Variants in ADGB observed in about 807,000 individuals in gnomAD.
ADGB encodes calpain-7-like protein.
Under a neutral mutation model 210.5 loss-of-function variants are expected in ADGB, and 172 were observed. The ratio of observed to expected loss-of-function variants is 0.82; its 90% CI spans 0.72 to 0.93. The LOEUF (loss-of-function observed/expected upper bound fraction) is 0.93, where lower values mean the gene tolerates loss of function less well. Ranked by LOEUF, ADGB falls within the 40% of genes least tolerant of loss-of-function variation. The probability of loss-of-function intolerance (pLI) is 0.00; values close to 1 mark genes in which losing one functional copy is unlikely to be tolerated. For synonymous variants in ADGB, 658 were observed against 662.7 expected (o/e 0.99, Z 0.11); for missense variants, 2,025 against 1,964.8 (o/e 1.03, Z -0.58).
chr6:146,798,072 A>G (rs1778072531), intron 33 of ADGB, among the ~76,000 whole-genome samples: 1 of 152,180 alleles, frequency 6.6e-6, no homozygotes, highest in South Asian at 2.1e-4. Context: ...GAAAATTCAT[A>G]GAAATTAAGG....
At chr6:146,605,292 G>A (rs1034177525) in intron 1 of ADGB, among the ~76,000 whole-genome samples, 52 of 152,278 alleles carry the variant, frequency 3.4e-4, no homozygotes, top group African/African-American at 1.2e-3. Flanking sequence ...TATTAAAAGC[G>A]ATGTGAGTGT....
At chr6:146,727,011 C>T (rs971356584) in intron 19 of ADGB, among the ~76,000 whole-genome samples, 2 of 151,960 alleles carry the variant, frequency 1.3e-5, no homozygotes, top group African/African-American at 4.8e-5. Flanking sequence ...CTCTTCTGTT[C>T]TGACGGGGTC....
At chr6:146,672,180 A>AG (rs1295896166) in intron 7 of ADGB, 40 bp from the exon 8 acceptor site, 2 of 1,455,878 alleles carry the variant, frequency 1.4e-6, no homozygotes, top group East Asian at 2.5e-5. Flanking sequence ...GAAAAAAAAA[A>AG]ACATCGTTTG....
intron 26 of ADGB, 71 bp downstream of exon 26, chr6:146,746,180 C>A: frequency 8.7e-7 from 1 of 1,145,250 alleles, no homozygotes; most frequent in Non-Finnish European, 1.2e-6. Context: ...AAAATAAATT[C>A]TGCAGTAAAA....
chr6:146,713,808 T>G (rs978410232), intron 13 of ADGB, among the ~76,000 whole-genome samples: 7 of 152,060 alleles, frequency 4.6e-5, no homozygotes, highest in Non-Finnish European at 7.4e-5. Flanking sequence ...TGGAGTCATA[T>G]CTAAGAAATA....
chr6:146,680,578 G>C (rs1776144168), intron 9 of ADGB, among the ~76,000 whole-genome samples: 1 of 152,098 alleles, frequency 6.6e-6, no homozygotes, highest in African/African-American at 2.4e-5. Flanking sequence ...GAAACCTGGA[G>C]ATCTCCCTCA....
At chr6:146,803,719 A>T in intron 35 of ADGB, 1 of 1,013,324 alleles carries the variant, frequency 9.9e-7, no homozygotes, top group Non-Finnish European at 1.5e-6. Flanking sequence ...TAATCTCTTA[A>T]GTACCGGCGC....
intron 1 of ADGB, among the ~76,000 whole-genome samples, chr6:146,630,456 C>A (rs1338964045): frequency 6.6e-6 from 1 of 151,854 alleles, no homozygotes; most frequent in East Asian, 1.9e-4. Flanking sequence ...GTTGGCACTC[C>A]CTGCTACTTG....
At chr6:146,700,525 T>C (rs1304892931) in intron 12 of ADGB, among the ~76,000 whole-genome samples, 2 of 152,152 alleles carry the variant, frequency 1.3e-5, no homozygotes, top group Non-Finnish European at 2.9e-5. Flanking sequence ...GACTGTATGC[T>C]CGGGTAGCTG....
intron 14 of ADGB, 54 bp from the exon 15 acceptor site, chr6:146,716,829 T>C: frequency 1.4e-6 from 2 of 1,428,454 alleles, no homozygotes; most frequent in Non-Finnish European, 1.9e-6. Context: ...TTTACATATT[T>C]CAATAACTTG....
intron 11 of ADGB, among the ~76,000 whole-genome samples, chr6:146,691,500 ATTTTTTTT>A (rs71031007): frequency 2.2e-4 from 3 of 13,640 alleles, no homozygotes; most frequent in African/African-American, 6.7e-4. Flanking sequence ...ATATATATAT[ATTTTTTTT>A]TTTTTTTTTT....
At chr6:146,635,303 T>C in intron 1 of ADGB, 72 bp from the exon 2 acceptor site, 1 of 1,267,526 alleles carries the variant, frequency 7.9e-7, no homozygotes, top group African/African-American at 1.5e-5. Flanking sequence ...ATTTATGTTA[T>C]GCAGTTAATC....
At chr6:146,610,290 G>C (rs572382207) in intron 1 of ADGB, among the ~76,000 whole-genome samples, 1 of 152,124 alleles carries the variant, frequency 6.6e-6, no homozygotes, top group Non-Finnish European at 1.5e-5. Context: ...ACTTTGTCCT[G>C]AATCTCCGCA....
chr6:146,814,332 AT>A (rs765381146), intron 35 of ADGB, among the ~76,000 whole-genome samples: 8 of 152,208 alleles, frequency 5.3e-5, no homozygotes, highest in Non-Finnish European at 1.0e-4. Context: ...TAAGCAATTA[AT>A]TTGGCCACTT....
chr6:146,675,432 G>A (rs955800612), intron 8 of ADGB, among the ~76,000 whole-genome samples: 3 of 151,752 alleles, frequency 2.0e-5, no homozygotes, highest in Admixed American at 6.6e-5. Flanking sequence ...CTGAGACCTC[G>A]CCACTGCACT....
chr6:146,790,581 T>C (rs1777940783), intron 33 of ADGB, among the ~76,000 whole-genome samples: 1 of 152,192 alleles, frequency 6.6e-6, no homozygotes, highest in Admixed American at 6.5e-5. Context: ...TTTTAAAAAA[T>C]CCATTCCTCT....
chr6:146,786,119 T>A (rs1285559854), intron 32 of ADGB, among the ~76,000 whole-genome samples: 1 of 147,826 alleles, frequency 6.8e-6, no homozygotes, highest in South Asian at 2.1e-4. Flanking sequence ...AAGTATATAA[T>A]ATATATTTTA....
intron 35 of ADGB, among the ~76,000 whole-genome samples, chr6:146,814,521 C>T (rs376617836): frequency 6.6e-6 from 1 of 152,194 alleles, no homozygotes; most frequent in South Asian, 2.1e-4. Flanking sequence ...ACATATAAGG[C>T]CTTGGTATCC....
chr6:146,794,753 A>G (rs1199374893), intron 33 of ADGB, among the ~76,000 whole-genome samples: 3 of 152,314 alleles, frequency 2.0e-5, no homozygotes, highest in East Asian at 3.9e-4. Context: ...AAACCTAAAA[A>G]TCAACTGAAG....
Sources: allele counts gnomAD v4.1 joint callset (sites outside exome capture counted in the v4.1 genomes callset), GRCh38; gene constraint gnomAD v4.1.1; transcripts MANE v1.5; gene names NCBI Gene and HGNC (gene_info 2026-07-23, HGNC 2026-07-21).